Variants in DENND5B observed in about 807,000 individuals in gnomAD.
DENND5B encodes DENN domain-containing protein 5B.
A neutral mutation model predicts 140.6 loss-of-function variants in DENND5B; 34 were observed. The ratio of observed to expected loss-of-function variants is 0.24; its 90% CI spans 0.18 to 0.32. The LOEUF (loss-of-function observed/expected upper bound fraction) is 0.32. Ranked by LOEUF, DENND5B falls within the 10% of genes least tolerant of loss-of-function variation. The probability of loss-of-function intolerance (pLI) is 1.00; values close to 1 mark genes in which losing one functional copy is unlikely to be tolerated. For missense variants in DENND5B, 1,142 were observed against 1,560.2 expected (o/e 0.73, Z 4.52); for synonymous variants, 551 against 562.1 (o/e 0.98, Z 0.28).
rs1942517016 is a variant in DENND5B, at chr12:31,412,559, TGACAGGAGGCGGAGCTTAG to T, written c.2681+858_2681+876del. 2.0e-5 allele frequency among the ~76,000 whole-genome samples: 3 copies of T among 152,208 alleles called. No individual in the cohort carries two copies. In the South Asian group the frequency reaches 6.2e-4, roughly 31 times the overall value. The stretch of plus-strand genomic sequence containing the variant: ...CTTTGAGAATCTAATGCTGCTGATC[TGACAGGAGGCGGAGCTTAG>T]GCGGTAATGCTTGCTTGCCCTCGGC... On this transcript the variant is annotated intron_variant, in intron 13 of 20. Coordinates refer to ENST00000389082, the MANE Select transcript of DENND5B (RefSeq NM_144973.4).
chr12:31,439,929 C>CAAAAAAA lies in DENND5B; in HGVS notation c.2012+2839_2012+2845dup, dbSNP rs67272470. ...TGGGCAACAGAGGGAGACTCCGTCT[C>CAAAAAAA]AAAAAAAAAAAAAAAAAAAAAAAAA... On this transcript the variant is annotated intron_variant, in intron 7 of 20. Coordinates refer to ENST00000389082, the MANE Select transcript of DENND5B (RefSeq NM_144973.4). Among the ~76,000 whole-genome samples the CAAAAAAA allele has an allele frequency of 4.6e-4, 24 of 52,292 alleles. 2 individuals carry two copies. The highest frequency in any genetic ancestry group is 1.0e-3 in the African/African-American group (12 of 11,454). The allele number at this position is 52,292 out of a possible 152,430, so 34.3% of individuals were successfully genotyped here.
intron 4 of DENND5B, 138 bp from the exon 5 acceptor site, chr12:31,452,614 AG>A: frequency 1.1e-6 from 1 of 882,680 alleles, no homozygotes; most frequent in Non-Finnish European, 1.6e-6. Context: ...GCTTGAGCCC[AG>A]GGGTTCGAGA....
At chr12:31,444,530 C>T (rs886202120) in intron 6 of DENND5B, among the ~76,000 whole-genome samples, 3 of 152,186 alleles carry the variant, frequency 2.0e-5, no homozygotes, top group Non-Finnish European at 4.4e-5. Context: ...AGGCGTTAGC[C>T]ATTGTGCCTG....
At chr12:31,529,539 G>T (rs1948207484) in intron 1 of DENND5B, among the ~76,000 whole-genome samples, 1 of 151,782 alleles carries the variant, frequency 6.6e-6, no homozygotes, top group East Asian at 1.9e-4. Context: ...CATCACTCAA[G>T]AAAACATCCT....
intron 1 of DENND5B, among the ~76,000 whole-genome samples, chr12:31,497,462 T>A (rs1396919255): frequency 6.6e-6 from 1 of 151,970 alleles, no homozygotes; most frequent in Non-Finnish European, 1.5e-5. Context: ...CTAGAGTATG[T>A]AAGCATCAAA....
chr12:31,417,356 C>CAAA (rs767142927), intron 11 of DENND5B, among the ~76,000 whole-genome samples: 11 of 40,070 alleles, frequency 2.7e-4, no homozygotes, highest in African/African-American at 3.5e-4. Flanking sequence ...GACTCTGTCT[C>CAAA]AAAAAAAAAA....
At chr12:31,502,113 G>A (rs558109413) in intron 1 of DENND5B, among the ~76,000 whole-genome samples, 3 of 152,048 alleles carry the variant, frequency 2.0e-5, no homozygotes, top group Non-Finnish European at 2.9e-5. Flanking sequence ...TCAGGAGTTC[G>A]AGACCAGCCT....
chr12:31,553,059 T>A (rs1053279632), intron 1 of DENND5B, among the ~76,000 whole-genome samples: 11 of 152,186 alleles, frequency 7.2e-5, no homozygotes, highest in African/African-American at 2.7e-4. Flanking sequence ...GGTCTCTATT[T>A]CCTCCAGTTC....
At chr12:31,512,643 G>A (rs1177155074) in intron 1 of DENND5B, among the ~76,000 whole-genome samples, 4 of 151,930 alleles carry the variant, frequency 2.6e-5, no homozygotes, top group Non-Finnish European at 2.9e-5. Flanking sequence ...CTGTATATCC[G>A]TCATGGTGTC....
chr12:31,501,595 A>G (rs938572008), intron 1 of DENND5B, among the ~76,000 whole-genome samples: 2 of 151,916 alleles, frequency 1.3e-5, no homozygotes, highest in South Asian at 4.2e-4. Flanking sequence ...CCAACATGGC[A>G]AAACCCTGTC....
At chr12:31,515,164 G>A (rs1947580005) in intron 1 of DENND5B, among the ~76,000 whole-genome samples, 1 of 152,106 alleles carries the variant, frequency 6.6e-6, no homozygotes. Flanking sequence ...TATAAGCCGA[G>A]TGTGGTGGTG....
intron 8 of DENND5B, among the ~76,000 whole-genome samples, chr12:31,427,259 A>G (rs995486694): frequency 6.6e-6 from 1 of 152,086 alleles, no homozygotes; most frequent in Admixed American, 6.6e-5. Context: ...AAATCACTAC[A>G]TGTGTTTAGT....
intron 3 of DENND5B, chr12:31,465,483 TC>T (rs1945220297): frequency 6.6e-6 from 1 of 152,408 alleles, no homozygotes; most frequent in Non-Finnish European, 1.5e-5. Flanking sequence ...TTCTCCTGCC[TC>T]AGCCTCCCCA....
At chr12:31,449,892 G>C (rs567029045) in intron 5 of DENND5B, among the ~76,000 whole-genome samples, 1 of 151,892 alleles carries the variant, frequency 6.6e-6, no homozygotes, top group South Asian at 2.1e-4. Context: ...CACCACGCCC[G>C]GCTAATTTTT....
Position 31,590,704 on chromosome 12 carries a change from A to G in DENND5B, c.127+2T>C. 1 of 1,469,874 alleles carries G rather than the reference A, an allele frequency of 6.8e-7. No individual in the cohort carries two copies. The highest frequency in any genetic ancestry group is 9.0e-7 in the Non-Finnish European group (1 of 1,116,748). 91.1% of individuals were successfully genotyped at this position (1,469,874 alleles called of 1,614,324 possible). ...TCAGCGCCGCCGCAGCCCTGGCCTT[A>G]CCCGCCAGCTCGTCAGGCTCCAGCC... On this transcript the variant is annotated splice_donor_variant, in intron 1 of 20. Coordinates refer to ENST00000389082, the MANE Select transcript of DENND5B (RefSeq NM_144973.4). LOFTEE classifies it high-confidence loss of function.
intron 16 of DENND5B, among the ~76,000 whole-genome samples, chr12:31,398,692 G>C (rs987616697): frequency 7.9e-5 from 12 of 152,224 alleles, no homozygotes; most frequent in African/African-American, 2.9e-4. Context: ...GCTGTGACTA[G>C]TGGAATCCAA....
At chr12:31,448,629 A>C (rs1367797561) in intron 5 of DENND5B, among the ~76,000 whole-genome samples, 1 of 152,228 alleles carries the variant, frequency 6.6e-6, no homozygotes, top group Non-Finnish European at 1.5e-5. Flanking sequence ...TAACTCTGTG[A>C]GAAATCAATA....
At chr12:31,529,358 G>C (rs1948202896) in intron 1 of DENND5B, among the ~76,000 whole-genome samples, 1 of 152,136 alleles carries the variant, frequency 6.6e-6, no homozygotes, top group South Asian at 2.1e-4. Flanking sequence ...ATCCAAAGGA[G>C]TCCACAGCAC....
intron 1 of DENND5B, among the ~76,000 whole-genome samples, chr12:31,581,148 A>G (rs1950198436): frequency 6.6e-6 from 1 of 152,138 alleles, no homozygotes. Context: ...TTTATTTGTT[A>G]TAAACAAATA....
Sources: gnomAD v4.1 joint callset for allele counts (sites outside exome capture counted in the v4.1 genomes callset) on GRCh38, gnomAD v4.1.1 for gene constraint, MANE v1.5 for transcripts, NCBI Gene and HGNC (gene_info 2026-07-23, HGNC 2026-07-21) for gene names.